SPTB: variants seen among roughly 807,000 people sequenced by gnomAD.
The protein encoded by SPTB is spectrin beta, erythrocytic.
A neutral mutation model predicts 256.2 loss-of-function variants in SPTB; 45 were observed. The ratio of observed to expected loss-of-function variants is 0.18; its 90% CI spans 0.14 to 0.23. The LOEUF is 0.23. SPTB is among the 10% of genes least tolerant of loss of function. The pLI, the probability that SPTB is intolerant of heterozygous loss-of-function variation, is 1.00. For missense variants in SPTB, 2,715 were observed against 3,040.4 expected (o/e 0.89, Z 2.52); for synonymous variants, 1,231 against 1,243.1 (o/e 0.99, Z 0.21).
At chr14:64,771,208 T>C in intron 26 of SPTB, 79 bp from the exon 27 acceptor site, 14 of 1,598,794 alleles carry the variant, frequency 8.8e-6, no homozygotes, top group Non-Finnish European at 1.2e-5. Flanking sequence ...GAAGGGCAGC[T>C]ACCTCCTCCT....
rs142449616 is a variant in SPTB at position 64,827,132 on chromosome 14, C to T, written c.-51-3987G>A. Among the ~76,000 whole-genome samples the T allele has an allele frequency of 4.6e-4, 70 of 152,304 alleles. No homozygotes were observed. The East Asian group carries it at 0.013, about 29-fold the overall frequency. Reference sequence around the variant, plus strand: ...AGCTCCTCTCCCAGCCTGCAGGGTGCTGACGGAGCCCAAGCTAGGACCCAT... The same window carrying T: ...AGCTCCTCTCCCAGCCTGCAGGGTGTTGACGGAGCCCAAGCTAGGACCCAT... On this transcript the variant is annotated intron_variant, in intron 1 of 35. Coordinates refer to ENST00000644917, the MANE Select transcript of SPTB (RefSeq NM_001355436.2). This position sits in a 1 kb window ranked among gnomAD's most constrained non-coding sequence, Gnocchi z 4.6.
At position 64,827,081 on chromosome 14, in the gene SPTB, T is replaced by C. The variant is rs894189127; in HGVS notation, c.-51-3936A>G. 1.3e-5 allele frequency among the ~76,000 whole-genome samples: 2 copies of C among 152,108 alleles called. No individual in the cohort carries two copies. The highest frequency in any genetic ancestry group is 6.5e-5 in the Admixed American group (1 of 15,276). On this transcript the variant is annotated intron_variant, in intron 1 of 35. Coordinates refer to ENST00000644917, the MANE Select transcript of SPTB (RefSeq NM_001355436.2). The surrounding 1 kb of genome is among the most constrained non-coding windows in gnomAD (Gnocchi z 4.6). ...TATGTCCAGTTACTCCCTGGGTTGG[T>C]TAAGAACTGAGAAAGCAGTGGTAGC...
At position 64,874,788 on chromosome 14, in the gene SPTB, G is replaced by A. The variant is rs1054760836; in HGVS notation, c.-52+5004C>T. Reference sequence around the variant, plus strand: ...AAATATTTTCAAAGTATTCATTTTCGGAATTATTCAAGTTTCTTCTCCTTT... The same window carrying A: ...AAATATTTTCAAAGTATTCATTTTCAGAATTATTCAAGTTTCTTCTCCTTT... On this transcript the variant is annotated intron_variant, in intron 1 of 35. Transcript: ENST00000644917. Among the ~76,000 whole-genome samples, 12 of 152,068 alleles carry A rather than the reference G, an allele frequency of 7.9e-5. No individual in the cohort carries two copies. The East Asian group carries it at 1.5e-3, about 20-fold the overall frequency.
Position 64,833,080 on chromosome 14 carries a change from T to A in SPTB, c.-51-9935A>T, listed in dbSNP as rs74927461. 2.6e-3 allele frequency among the ~76,000 whole-genome samples: 392 copies of A among 152,266 alleles called. 2 individuals are homozygous for A. The highest frequency in any genetic ancestry group is 3.6e-3 in the Non-Finnish European group (247 of 68,018). ...CTCCCTGATTACTATTTCCATCCAA[T>A]CCTTCCCCCCAGCTTCTCCAATACT... On this transcript the variant is annotated intron_variant, in intron 1 of 35. Coordinates refer to ENST00000644917, the MANE Select transcript of SPTB (RefSeq NM_001355436.2).
Position 64,802,254 on chromosome 14 carries a change from G to A in SPTB, c.538C>T (p.Leu180=). The change falls in exon 5 of 36, where the codon CTG becomes TTG. Residue 180 remains leucine (L), a synonymous_variant. Transcript: ENST00000644917. The surrounding 1 kb of genome is among the most constrained non-coding windows in gnomAD (Gnocchi z 5.1). ...RETRSAKDAL[L]LWCQMKTAGY... Reference sequence around the variant, plus strand: ...GCCGTCTTCATCTGACACCACAACAGCAACGCATCCTTGGCTGAGCGTGTT... The same window carrying A: ...GCCGTCTTCATCTGACACCACAACAACAACGCATCCTTGGCTGAGCGTGTT... The A allele has an allele frequency of 6.2e-7, 1 of 1,614,234 alleles. No individual in the cohort carries two copies. Among genetic ancestry groups the A allele is most frequent in the Non-Finnish European group, 8.5e-7 (1 of 1,180,038 alleles).
chr14:64,870,720 G>T (rs1362946551), intron 1 of SPTB, among the ~76,000 whole-genome samples: 1 of 152,208 alleles, frequency 6.6e-6, no homozygotes, highest in Admixed American at 6.5e-5. Context: ...AAATTGCATG[G>T]ACGGGTTCCT....
chr14:64,784,142 G>A, intron 19 of SPTB, 105 bp downstream of exon 19: 1 of 1,552,218 alleles, frequency 6.4e-7, no homozygotes, highest in African/African-American at 1.4e-5. Flanking sequence ...GCCACGTTCT[G>A]TACTGTCAGC....
At chr14:64,849,043 T>G (rs766917382) in intron 1 of SPTB, among the ~76,000 whole-genome samples, 1 of 152,248 alleles carries the variant, frequency 6.6e-6, no homozygotes, top group East Asian at 1.9e-4. Flanking sequence ...AAGATTTTTT[T>G]AAATAATTAA....
At chr14:64,874,555 C>T (rs1420806138) in intron 1 of SPTB, among the ~76,000 whole-genome samples, 1 of 152,216 alleles carries the variant, frequency 6.6e-6, no homozygotes, top group East Asian at 1.9e-4. Flanking sequence ...CTTTTCCACC[C>T]TTCTGGAAAT....
In SPTB at chr14:64,774,473, C is replaced by T. The variant is rs1264943949; in HGVS notation, c.4897G>A (p.Val1633Met). 1.3e-6 allele frequency: 2 copies of T among 1,557,710 alleles called. No homozygotes were observed. Among genetic ancestry groups the T allele is most frequent in the Non-Finnish European group, 8.7e-7 (1 of 1,150,550 alleles). The change falls in exon 24 of 36, where the codon GTG becomes ATG. Residue 1633 changes from valine to methionine, a missense_variant. Physicochemically the swap from Val to Met is conservative, Grantham distance 21. This residue lies in a region of SPTB where 2,239 missense variants were observed against 2,384.4 expected (regional missense o/e 0.94). Coordinates refer to ENST00000644917, the MANE Select transcript of SPTB (RefSeq NM_001355436.2). ...TTGATGTTCCGGCCGTAGTCCTCCA[C>T]CGCACGCTGCTGCCGCAAATGTCGC... ...LKRHLRQQRA[V>M]EDYGRNIKQL... is the part of the protein sequence containing the mutation.
intron 24 of SPTB, among the ~76,000 whole-genome samples, chr14:64,773,757 G>A (rs2082313902): frequency 6.6e-6 from 1 of 152,204 alleles, no homozygotes; most frequent in Non-Finnish European, 1.5e-5. Flanking sequence ...CACTACCTGA[G>A]TGGGGCTCCC....
At chr14:64,805,222 T>G in intron 2 of SPTB, 132 bp from the exon 3 acceptor site, 1 of 983,358 alleles carries the variant, frequency 1.0e-6, no homozygotes, top group Non-Finnish European at 1.5e-6. Flanking sequence ...TTCATTCCAC[T>G]CCCTTCCTTG....
At position 64,764,562 on chromosome 14, in the gene SPTB, T is replaced by C. The variant is rs1424908919; in HGVS notation, c.6345+2164A>G. Among the ~76,000 whole-genome samples, 10 of 152,224 alleles carry C rather than the reference T, an allele frequency of 6.6e-5. No individual in the cohort carries two copies. Among genetic ancestry groups the C allele is most frequent in the Non-Finnish European group, 1.5e-4 (10 of 68,042 alleles). On this transcript the variant is annotated intron_variant, in intron 32 of 35. Coordinates refer to ENST00000644917, the MANE Select transcript of SPTB (RefSeq NM_001355436.2). This position sits in a 1 kb window ranked among gnomAD's most constrained non-coding sequence, Gnocchi z 4.2. ...GATCATCAGGTCCAAACAGGTTTTA[T>C]TCCCCCCAACCCAGTGACATTCAGG...
At chr14:64,767,494 A>G (rs1221900892) in intron 30 of SPTB, 142 bp from the exon 31 acceptor site, 1 of 1,410,956 alleles carries the variant, frequency 7.1e-7, no homozygotes, top group Admixed American at 1.7e-5. Context: ...TGTCCTTTGC[A>G]TTCGGAGGTC....
At chr14:64,761,535 T>C (rs563632308) in intron 32 of SPTB, among the ~76,000 whole-genome samples, 1 of 152,246 alleles carries the variant, frequency 6.6e-6, no homozygotes, top group East Asian at 1.9e-4. Flanking sequence ...TCCAGATGTC[T>C]GTCTGAGATG....
chr14:64,764,112 A>G lies in SPTB; in HGVS notation c.6345+2614T>C, dbSNP rs945140548. 1.4e-4 allele frequency among the ~76,000 whole-genome samples: 21 copies of G among 152,332 alleles called. No homozygotes were observed. The highest frequency in any genetic ancestry group is 4.3e-4 in the African/African-American group (18 of 41,578). Reference sequence around the variant, plus strand: ...CACACAGAGGACCAGCAGGAGAGCCACCATCCCCCAGGACTATCCCCAAGG... The same window carrying G: ...CACACAGAGGACCAGCAGGAGAGCCGCCATCCCCCAGGACTATCCCCAAGG... On this transcript the variant is annotated intron_variant, in intron 32 of 35. Coordinates refer to ENST00000644917, the MANE Select transcript of SPTB (RefSeq NM_001355436.2). This position sits in a 1 kb window ranked among gnomAD's most constrained non-coding sequence, Gnocchi z 4.2.
rs892417171 is a variant in SPTB at position 64,844,129 on chromosome 14, T to C, written c.-51-20984A>G. On this transcript the variant is annotated intron_variant, in intron 1 of 35. Coordinates refer to ENST00000644917, the MANE Select transcript of SPTB (RefSeq NM_001355436.2). The surrounding 1 kb of genome is among the most constrained non-coding windows in gnomAD (Gnocchi z 4.1). ...CTCAAAATGGTACACCCAGGCTGGG[T>C]AGAGAATCTTCACGAAGAATGTGAT... is the stretch of plus-strand genomic sequence containing the variant. Among the ~76,000 whole-genome samples the C allele has an allele frequency of 2.0e-5, 3 of 151,972 alleles. No homozygotes were observed. Among genetic ancestry groups the C allele is most frequent in the African/African-American group, 7.3e-5 (3 of 41,358 alleles).
In SPTB at chr14:64,824,172, T is replaced by C. The variant is rs548719644; in HGVS notation, c.-51-1027A>G. Among the ~76,000 whole-genome samples, 19 of 152,212 alleles carry C rather than the reference T, an allele frequency of 1.2e-4. No individual in the cohort carries two copies. Among genetic ancestry groups the C allele is most frequent in the Non-Finnish European group, 2.2e-4 (15 of 68,002 alleles). ...CAACTACAAGAAGGTGTGATGTGTG[T>C]CATGGCTGGCTTAGGTGGGGACTCG... On this transcript the variant is annotated intron_variant, in intron 1 of 35. Transcript: ENST00000644917. The surrounding 1 kb of genome is among the most constrained non-coding windows in gnomAD (Gnocchi z 5.7).
rs921877949 is a variant in SPTB at position 64,764,961 on chromosome 14, G to A, written c.6345+1765C>T. On this transcript the variant is annotated intron_variant, in intron 32 of 35. Transcript: ENST00000644917. This position sits in a 1 kb window ranked among gnomAD's most constrained non-coding sequence, Gnocchi z 4.2. Reference sequence around the variant, plus strand: ...CCAGCAGTGCCCTCTGCTGGGCATGGTGGGCTGGTGCAGCTAGGAAAGGGA... The same window carrying A: ...CCAGCAGTGCCCTCTGCTGGGCATGATGGGCTGGTGCAGCTAGGAAAGGGA... Among the ~76,000 whole-genome samples, 2 of 151,890 alleles carry A rather than the reference G, an allele frequency of 1.3e-5. No individual in the cohort carries two copies.
Sources: allele counts gnomAD v4.1 joint callset (sites outside exome capture counted in the v4.1 genomes callset), GRCh38; gene constraint gnomAD v4.1.1; regional missense constraint gnomAD v4.1.1; non-coding constraint Gnocchi (gnomAD v3.1); transcripts MANE v1.5; gene names NCBI Gene and HGNC (gene_info 2026-07-23, HGNC 2026-07-21).